CSMD1: variants seen among roughly 807,000 people sequenced by gnomAD.
CSMD1 encodes the protein CUB and Sushi multiple domains 1.
Under a neutral mutation model 417.5 loss-of-function variants are expected in CSMD1, and 213 were observed. The ratio of observed to expected loss-of-function variants is 0.51; its 90% CI spans 0.46 to 0.57. The LOEUF (loss-of-function observed/expected upper bound fraction) is 0.57, where lower values mean the gene tolerates loss of function less well. Ranked by LOEUF, CSMD1 falls within the 20% of genes least tolerant of loss-of-function variation. CSMD1 has a pLI of 0.00. For synonymous variants in CSMD1, 2,862 were observed against 1,736.8 expected, an observed-to-expected ratio of 1.65 and a Z score of -16.11; for missense variants, 6,923 against 4,529.7, an observed-to-expected ratio of 1.53 and a Z score of -15.17.
intron 6 of CSMD1, among the ~76,000 whole-genome samples, chr8:3,728,436 G>A (rs748144854): frequency 3.9e-5 from 6 of 152,132 alleles, no homozygotes; most frequent in African/African-American, 9.7e-5. Context: ...ACATCTAAAC[G>A]TTGTGAAGAT....
In CSMD1 at chr8:3,891,773, C is replaced by T. The variant is rs183948054; in HGVS notation, c.818+106130G>A. 1.8e-3 allele frequency among the ~76,000 whole-genome samples: 271 copies of T among 152,218 alleles called. 2 individuals carry two copies. Among genetic ancestry groups the T allele is most frequent in the Non-Finnish European group, 1.6e-3 (110 of 68,018 alleles). On this transcript the variant is annotated intron_variant, in intron 5 of 69. Transcript: ENST00000635120. ...TGGAGACTGAATCTCTGCTTCATAA[C>T]GTCATTACTATGTGATTTAGGCACA...
intron 4 of CSMD1, among the ~76,000 whole-genome samples, chr8:4,019,296 T>C (rs1178037803): frequency 3.3e-5 from 5 of 152,318 alleles, no homozygotes; most frequent in East Asian, 1.9e-4. Flanking sequence ...AGAGAGCTTA[T>C]CACAGGCTTG....
At chr8:3,637,484 G>A (rs1402598371) in intron 7 of CSMD1, among the ~76,000 whole-genome samples, 5 of 152,132 alleles carry the variant, frequency 3.3e-5, no homozygotes, top group Non-Finnish European at 7.4e-5. Flanking sequence ...CTTCAGAATT[G>A]TTCTTCTTTG....
chr8:3,044,791 C>G (rs113162750), intron 50 of CSMD1, among the ~76,000 whole-genome samples: 1 of 152,290 alleles, frequency 6.6e-6, no homozygotes, highest in African/African-American at 2.4e-5. Flanking sequence ...TACTATTTAT[C>G]AAAGCTGAAG....
At chr8:2,947,025 G>A (rs1802289250) in intron 68 of CSMD1, among the ~76,000 whole-genome samples, 1 of 152,174 alleles carries the variant, frequency 6.6e-6, no homozygotes, top group South Asian at 2.1e-4. Context: ...TGTCTTTAGA[G>A]ACATATCTAT....
At position 4,994,493 on chromosome 8, in the gene CSMD1, T is replaced by A. The variant is rs1811652499; in HGVS notation, c.-77A>T. 7.4e-7 allele frequency: 1 copy of A among 1,344,766 alleles called. No individual in the cohort carries two copies. Among genetic ancestry groups the A allele is most frequent in the African/African-American group, 1.4e-5 (1 of 69,666 alleles). 83.3% of individuals were successfully genotyped at this position (1,344,766 alleles called of 1,614,324 possible). A position where few individuals can be genotyped will look rare whatever the true frequency, so the allele number is the denominator to read the frequency against. ...CAGGGCTATGAGCGGAGCCAAATAA[T>A]CACCCGAGGGCAAGGCGAGCCGGAG... is the stretch of plus-strand genomic sequence containing the variant. On this transcript the variant is annotated 5_prime_UTR_variant, in exon 1 of 70. An upstream open reading frame in the 5' UTR loses its in-frame stop. Transcript: ENST00000635120.
chr8:3,966,266 C>G (rs1354014216), intron 5 of CSMD1, among the ~76,000 whole-genome samples: 3 of 152,132 alleles, frequency 2.0e-5, no homozygotes, highest in African/African-American at 4.8e-5. Context: ...TGCAAAGATA[C>G]TTAAACTGAA....
chr8:4,033,504 C>T (rs1161921118), intron 3 of CSMD1, among the ~76,000 whole-genome samples: 5 of 152,172 alleles, frequency 3.3e-5, no homozygotes, highest in East Asian at 1.9e-4. Flanking sequence ...GAAGCTCCCA[C>T]TTCCAGTTGT....
intron 23 of CSMD1, among the ~76,000 whole-genome samples, chr8:3,340,300 T>C (rs1450470260): frequency 6.6e-6 from 1 of 152,158 alleles, no homozygotes; most frequent in Non-Finnish European, 1.5e-5. Flanking sequence ...ACCAGGATTG[T>C]AAAGTTGAAA....
intron 3 of CSMD1, among the ~76,000 whole-genome samples, chr8:4,118,891 C>T (rs1802315086): frequency 6.6e-6 from 1 of 152,164 alleles, no homozygotes; most frequent in African/African-American, 2.4e-5. Flanking sequence ...CACATATACA[C>T]CATGGAATAC....
Position 3,107,822 on chromosome 8 carries a change from A to T in CSMD1, c.6755-24T>A, listed in dbSNP as rs774130746. ...TGCTAAATGATTAATGGAAAGAATA[A>T]TAATAATTGCAATTACACTTGCTGA... On this transcript the variant is annotated intron_variant, in intron 44 of 69. Coordinates refer to ENST00000635120, the MANE Select transcript of CSMD1 (RefSeq NM_033225.6). 5.5e-6 allele frequency: 8 copies of T among 1,462,094 alleles called. No homozygotes were observed. In the South Asian group the frequency reaches 9.7e-5, roughly 18 times the overall value. The allele number at this position is 1,462,094 out of a possible 1,614,324, so 90.6% of individuals were successfully genotyped here.
intron 5 of CSMD1, among the ~76,000 whole-genome samples, chr8:3,814,922 C>G (rs1398272113): frequency 1.3e-5 from 2 of 152,102 alleles, no homozygotes; most frequent in African/African-American, 2.4e-5. Flanking sequence ...AACCGACACT[C>G]TCATTACTTC....
chr8:4,557,893 G>T (rs767273483), intron 2 of CSMD1, among the ~76,000 whole-genome samples: 128 of 152,230 alleles, frequency 8.4e-4, no homozygotes, highest in South Asian at 5.0e-3. Context: ...GTGTAAAGAT[G>T]ACGTGTTCAG....
rs1815359362 is a variant in CSMD1 at position 3,998,071 on chromosome 8, C to A, written c.650G>T (p.Ser217Ile). ...AGGGAAGTGCGGGCTGGAGATGGAG[C>A]TGCTGGTCCCGCGTAAGGTTCCTCC... The part of the protein sequence containing the change: ...ACGGTLRGTS[S>I]SISSPHFPSE... The change falls in exon 5 of 70, where the codon AGC (serine) becomes ATC (isoleucine). Residue 217 changes from serine to isoleucine, a missense_variant. Physicochemically the swap from Ser to Ile is moderately radical, Grantham distance 142. Coordinates refer to ENST00000635120, the MANE Select transcript of CSMD1 (RefSeq NM_033225.6). The A allele has an allele frequency of 1.3e-6, 2 of 1,589,360 alleles. No individual in the cohort carries two copies. The highest frequency in any genetic ancestry group is 8.6e-7 in the Non-Finnish European group (1 of 1,167,192).
intron 12 of CSMD1, among the ~76,000 whole-genome samples, chr8:3,422,292 A>G (rs1005729897): frequency 6.6e-6 from 1 of 152,152 alleles, no homozygotes; most frequent in Admixed American, 6.5e-5. Context: ...TACCTGATCA[A>G]TGCTCAGCCA....
At chr8:4,658,486 C>G (rs536518778) in intron 1 of CSMD1, among the ~76,000 whole-genome samples, 3 of 152,164 alleles carry the variant, frequency 2.0e-5, no homozygotes, top group South Asian at 2.1e-4. Context: ...AAAACAAAAA[C>G]AAAAACTCTA....
chr8:4,016,712 G>C (rs564653763), intron 4 of CSMD1, among the ~76,000 whole-genome samples: 2 of 152,204 alleles, frequency 1.3e-5, no homozygotes, highest in Non-Finnish European at 2.9e-5. Context: ...TAAGTAACAT[G>C]TTAGGAAGAC....
At chr8:4,019,236 G>C (rs190417558) in intron 4 of CSMD1, among the ~76,000 whole-genome samples, 1 of 152,288 alleles carries the variant, frequency 6.6e-6, no homozygotes, top group East Asian at 1.9e-4. Context: ...GCTGAGTTAG[G>C]TCAGAGGCAC....
chr8:4,768,380 C>G (rs941250332), intron 1 of CSMD1, among the ~76,000 whole-genome samples: 2 of 152,154 alleles, frequency 1.3e-5, no homozygotes, highest in African/African-American at 4.8e-5. Flanking sequence ...CCTGTTCTTT[C>G]CATTCAGAAA....
Sources: gnomAD v4.1 joint callset for allele counts (sites outside exome capture counted in the v4.1 genomes callset) on GRCh38, gnomAD v4.1.1 for gene constraint, MANE v1.5 for transcripts, NCBI Gene and HGNC (gene_info 2026-07-23, HGNC 2026-07-21) for gene names.